The following KRT83 variants were observed in gnomAD, a reference collection of about 807,000 sequenced individuals.
The protein encoded by KRT83 is keratin 83.
In KRT83, 51 loss-of-function variants were observed where a neutral mutation model predicts 52.9. The observed-to-expected ratio is 0.96, with a 90% CI of 0.77 to 1.22. KRT83 has a LOEUF of 1.22. Ranked by LOEUF, KRT83 falls within the 50% of genes most tolerant of loss-of-function variation. The pLI, the probability that KRT83 is intolerant of heterozygous loss-of-function variation, is 0.00. For missense variants in KRT83, 654 were observed against 666.5 expected (o/e 0.98, Z 0.21); for synonymous variants, 278 against 274.1 (o/e 1.01, Z -0.14).
chr12:52,321,119 C>A lies in KRT83; in HGVS notation c.217G>T (p.Gly73Trp). The stretch of plus-strand genomic sequence containing the variant: ...GGGGGGCTGGGTCCGCACACGCCCC[C>A]GGAGCGGTAGCCGAAGCTGCGTCCG... ...SCGRSFGYRS[G>W]GVCGPSPPCI... Residue 73 changes from glycine (G) to tryptophan (W), a missense_variant, in exon 1 of 9, where the codon GGG (glycine) becomes TGG (tryptophan). Coordinates refer to ENST00000293670, the MANE Select transcript of KRT83 (RefSeq NM_002282.3). The A allele has an allele frequency of 1.2e-6, 2 of 1,612,332 alleles. No homozygotes were observed. The highest frequency in any genetic ancestry group is 1.7e-6 in the Non-Finnish European group (2 of 1,179,896).
rs756856491 is a variant in KRT83 at position 52,319,141 on chromosome 12, C to T, written c.593+15G>A. On this transcript the variant is annotated intron_variant, in intron 2 of 8. Transcript: ENST00000293670. ...GCTATTTCCTGTGCCCAGAACCCCT[C>T]CTGCCCACACTCACTTCTTCTTGTA... 1.7e-5 allele frequency: 27 copies of T among 1,612,762 alleles called. No homozygotes were observed. In the South Asian group the frequency reaches 2.1e-4, roughly 12 times the overall value.
chr12:52,320,666 C>T lies in KRT83; in HGVS notation c.384+286G>A, dbSNP rs991576921. ...GTTATTTGGCTTCAAATGCCCTGAG[C>T]GCCCACACAGTGGTCCTTTGCTCAC... On this transcript the variant is annotated intron_variant, in intron 1 of 8. Coordinates refer to ENST00000293670, the MANE Select transcript of KRT83 (RefSeq NM_002282.3). 6.6e-5 allele frequency among the ~76,000 whole-genome samples: 10 copies of T among 152,328 alleles called. No individual in the cohort carries two copies. The Middle Eastern group carries it at 0.014, about 207-fold the overall frequency.
At chr12:52,319,450 C>G in intron 1 of KRT83, 86 bp from the exon 2 acceptor site, 2 of 1,570,658 alleles carry the variant, frequency 1.3e-6, no homozygotes, top group Non-Finnish European at 1.7e-6. Flanking sequence ...CCTGAAAGCC[C>G]CCAACTCTCT....
Position 52,317,014 on chromosome 12 carries a change from T to A in KRT83, c.760A>T (p.Ile254Phe), listed in dbSNP as rs150867374. The A allele has an allele frequency of 6.2e-7, 1 of 1,614,158 alleles. No homozygotes were observed. ...LRRLYEEEIR[I>F]LQSHISDTSV... ...GTGTCTGAGATGTGGGATTGGAGAATGCGGATCTCCTGCAGGAGGTGGGGA... is the reference window on the plus strand; with the variant it reads ...GTGTCTGAGATGTGGGATTGGAGAAAGCGGATCTCCTGCAGGAGGTGGGGA... Residue 254 changes from isoleucine to phenylalanine, a missense_variant, in exon 5 of 9, where the codon ATT (isoleucine) becomes TTT (phenylalanine). Ile to Phe is a conservative substitution (Grantham distance 21). Coordinates refer to ENST00000293670, the MANE Select transcript of KRT83 (RefSeq NM_002282.3).
chr12:52,316,917 T>A lies in KRT83; in HGVS notation c.857A>T (p.Gln286Leu), dbSNP rs1484171476. 6.2e-7 allele frequency: 1 copy of A among 1,614,228 alleles called. No homozygotes were observed. The change falls in exon 5 of 9, where the codon CAG becomes CTG. Residue 286 changes from glutamine to leucine, a missense_variant. Transcript: ENST00000293670. Reference protein sequence around the residue: ...MDCIVAEIKAQYDDIATRSRA... With the variant: ...MDCIVAEIKALYDDIATRSRA... ...GCTACGGGTGGCAATGTCATCATAC[T>A]GTGCCTTGATCTCGGCAACGATGCA...
In KRT83 at chr12:52,317,978, G is replaced by C; in HGVS notation, c.594-8C>G. ...GCTACTTCTTCTTCATACCTGAGGTGAGCAGGGAGAACAGGACCTTGTCTG... is the reference window on the plus strand; with the variant it reads ...GCTACTTCTTCTTCATACCTGAGGTCAGCAGGGAGAACAGGACCTTGTCTG... On this transcript the variant is annotated splice_region_variant and splice_polypyrimidine_tract_variant and intron_variant, in intron 2 of 8. Coordinates refer to ENST00000293670, the MANE Select transcript of KRT83 (RefSeq NM_002282.3). 1 of 1,613,390 alleles carries C rather than the reference G, an allele frequency of 6.2e-7. No homozygotes were observed. The highest frequency in any genetic ancestry group is 8.5e-7 in the Non-Finnish European group (1 of 1,179,434).
In KRT83 at chr12:52,319,362, C is replaced by G; in HGVS notation, c.387G>C (p.Val129=). 6.2e-7 allele frequency: 1 copy of G among 1,614,026 alleles called. No individual in the cohort carries two copies. Among genetic ancestry groups the G allele is most frequent in the Non-Finnish European group, 8.5e-7 (1 of 1,179,906 alleles). ...NSRFAAFIDK[V]RFLEQQNKLL... ...GCTTGTTCTGCTGCTCCAGGAAGCG[C>G]ACCTGCCACCCAGAGGCAGAGCCTA... The change falls in exon 2 of 9, where the codon GTG becomes GTC. Residue 129 remains valine, a splice_region_variant and synonymous_variant. Coordinates refer to ENST00000293670, the MANE Select transcript of KRT83 (RefSeq NM_002282.3).
rs753770238 is a variant in KRT83 at position 52,317,777 on chromosome 12, C to T, written c.655-1G>A. The T allele has an allele frequency of 4.3e-6, 7 of 1,613,912 alleles. No individual in the cohort carries two copies. In the South Asian group the frequency reaches 7.7e-5, roughly 18 times the overall value. ...TGCGGAGGTAGGCGCAGTCCACATCCTGGGTGGGGTAGAAGGGGCTGTGAG... is the reference window on the plus strand; with the variant it reads ...TGCGGAGGTAGGCGCAGTCCACATCTTGGGTGGGGTAGAAGGGGCTGTGAG... On this transcript the variant is annotated splice_acceptor_variant, in intron 3 of 8. Transcript: ENST00000293670. LOFTEE classifies it high-confidence loss of function.
At chr12:52,315,204 TGG>T in intron 8 of KRT83, 106 bp downstream of exon 8, 1 of 1,181,208 alleles carries the variant, frequency 8.5e-7, no homozygotes, top group Non-Finnish European at 1.3e-6. Context: ...TCCTCTTTAC[TGG>T]GGGAATTATT....
At chr12:52,314,875 AC>A (rs1565754169) in intron 8 of KRT83, 57 bp from the exon 9 acceptor site, 2 of 1,497,358 alleles carry the variant, frequency 1.3e-6, no homozygotes, top group Non-Finnish European at 1.8e-6. Flanking sequence ...CCATCCAGCC[AC>A]CTTCCTTTGG....
intron 3 of KRT83, 44 bp from the exon 4 acceptor site, chr12:52,317,820 G>A (rs771505177): frequency 6.2e-6 from 10 of 1,610,216 alleles, no homozygotes; most frequent in South Asian, 2.2e-5. Context: ...TTCCTCAGAG[G>A]GCTCTGAGGA....
rs1938706708 is a variant in KRT83, at chr12:52,317,594, G to A, written c.750+87C>T. On this transcript the variant is annotated intron_variant, in intron 4 of 8. Coordinates refer to ENST00000293670, the MANE Select transcript of KRT83 (RefSeq NM_002282.3). ...GTGAGCCTGGGTTCATATGTCAGCA[G>A]GCCTGGTTCATGCCTGTGGGTGTCT... is the stretch of plus-strand genomic sequence containing the variant. 8.4e-6 allele frequency: 12 copies of A among 1,431,456 alleles called. No individual in the cohort carries two copies. The East Asian group carries it at 2.7e-4, about 32-fold the overall frequency. The allele number at this position is 1,431,456 out of a possible 1,614,324, so 88.7% of individuals were successfully genotyped here.
chr12:52,317,860 A>T (rs1043815456), intron 3 of KRT83, 50 bp downstream of exon 3: 1 of 1,611,496 alleles, frequency 6.2e-7, no homozygotes, highest in Non-Finnish European at 8.5e-7. Context: ...GACAAAGAGG[A>T]TGGGTGGCGG....
Position 52,315,937 on chromosome 12 carries a change from G to A in KRT83, c.1218C>T (p.Ile406=), listed in dbSNP as rs1025007383. ...EVMNSKLGLD[I]EIATYRRLLE... ...GCAGGCGCCTGTAGGTGGCGATCTC[G>A]ATATCCAGGCCTAGCTTGGAGTTCA... is the stretch of plus-strand genomic sequence containing the variant. The change falls in exon 7 of 9, where the codon ATC becomes ATT. Residue 406 remains isoleucine, a synonymous_variant. Transcript: ENST00000293670. 1.4e-5 allele frequency: 23 copies of A among 1,612,702 alleles called. No homozygotes were observed. Among genetic ancestry groups the A allele is most frequent in the African/African-American group, 1.1e-4 (8 of 74,880 alleles).
intron 8 of KRT83, 139 bp from the exon 9 acceptor site, chr12:52,314,957 C>G: frequency 1.2e-6 from 1 of 806,018 alleles, no homozygotes; most frequent in South Asian, 1.6e-5. Context: ...GGAGGGAACC[C>G]TAGCCTGGGA....
At chr12:52,316,264 A>G in intron 6 of KRT83, 151 bp from the exon 7 acceptor site, 2 of 720,162 alleles carry the variant, frequency 2.8e-6, no homozygotes, top group Non-Finnish European at 4.0e-6. Context: ...CTTACACTAC[A>G]CACACACACA....
In KRT83 at chr12:52,318,237, G is replaced by A. The variant is rs116441401; in HGVS notation, c.594-267C>T. On this transcript the variant is annotated intron_variant, in intron 2 of 8. Coordinates refer to ENST00000293670, the MANE Select transcript of KRT83 (RefSeq NM_002282.3). The stretch of plus-strand genomic sequence containing the variant: ...GTCGCCCAGGTTGGAGCACAGTGGC[G>A]CGGTCTCGGCTCACTGCAAGCTCCG... Among the ~76,000 whole-genome samples the A allele has an allele frequency of 7.3e-3, 1,109 of 151,884 alleles. 16 individuals are homozygous for A. Among genetic ancestry groups the A allele is most frequent in the African/African-American group, 0.026 (1,062 of 41,358 alleles).
In KRT83 at chr12:52,314,570, T is replaced by A. The variant is rs1019987441; in HGVS notation, c.*61A>T. On this transcript the variant is annotated 3_prime_UTR_variant, in exon 9 of 9. Transcript: ENST00000293670. ...GCGATGTGCTGCTGTTTTCAGCTGG[T>A]GGTGGGGCAGTGGCACGTCTGGCAG... 63 of 1,443,322 alleles carry A rather than the reference T, an allele frequency of 4.4e-5. No homozygotes were observed. The highest frequency in any genetic ancestry group is 5.8e-5 in the Non-Finnish European group (61 of 1,050,382). 89.4% of individuals were successfully genotyped at this position (1,443,322 alleles called of 1,614,324 possible).
chr12:52,315,965 ACCT>A lies in KRT83; in HGVS notation c.1187_1189del (p.Glu396del). The A allele has an allele frequency of 3.1e-6, 5 of 1,612,734 alleles. No homozygotes were observed. The highest frequency in any genetic ancestry group is 4.2e-6 in the Non-Finnish European group (5 of 1,179,862). ...ATCCAGGCCTAGCTTGGAGTTCATCACCTCCTGGTACTCCCTGATCAGGCAGGC... is the reference window on the plus strand; with the variant it reads ...ATCCAGGCCTAGCTTGGAGTTCATCACCTGGTACTCCCTGATCAGGCAGGC... On this transcript the variant is annotated inframe_deletion, in exon 7 of 9. Transcript: ENST00000293670.
Sources: gnomAD v4.1 joint callset for allele counts (sites outside exome capture counted in the v4.1 genomes callset) on GRCh38, gnomAD v4.1.1 for gene constraint, MANE v1.5 for transcripts, NCBI Gene and HGNC (gene_info 2026-07-23, HGNC 2026-07-21) for gene names.